The following ZMAT4 variants were observed in gnomAD, a reference collection of about 807,000 sequenced individuals.
ZMAT4 encodes the protein zinc finger matrin-type protein 4.
In ZMAT4, 17 loss-of-function variants were observed where a neutral mutation model predicts 28.7. The observed-to-expected ratio is 0.59, with a 90% CI of 0.41 to 0.89. The LOEUF (loss-of-function observed/expected upper bound fraction) is 0.89, where lower values mean the gene tolerates loss of function less well. ZMAT4 is among the 40% of genes least tolerant of loss of function. The probability of loss-of-function intolerance (pLI) is 0.00; values close to 1 mark genes in which losing one functional copy is unlikely to be tolerated. For missense variants in ZMAT4, 240 were observed against 283.8 expected (o/e 0.85, Z 1.11); for synonymous variants, 117 against 109.2 (o/e 1.07, Z -0.44).
At chr8:40,664,939 T>G (rs1808344281) in intron 5 of ZMAT4, among the ~76,000 whole-genome samples, 1 of 152,214 alleles carries the variant, frequency 6.6e-6, no homozygotes, top group Non-Finnish European at 1.5e-5. Context: ...ATGACTAAGA[T>G]GTCCACTGCC....
intron 5 of ZMAT4, among the ~76,000 whole-genome samples, chr8:40,637,462 G>A (rs1806837660): frequency 6.6e-6 from 1 of 152,048 alleles, no homozygotes. Context: ...CTTCAACCAA[G>A]GCATTAATAG....
At position 40,721,252 on chromosome 8, in the gene ZMAT4, G is replaced by C. The variant is rs1247486148; in HGVS notation, c.193-23851C>G. Among the ~76,000 whole-genome samples the C allele has an allele frequency of 2.1e-5, 3 of 143,902 alleles. No individual in the cohort carries two copies. In the Admixed American group the frequency reaches 2.1e-4, roughly 10 times the overall value. 94.4% of individuals were successfully genotyped at this position (143,902 alleles called of 152,430 possible). A position where few individuals can be genotyped will look rare whatever the true frequency, so the allele number is the denominator to read the frequency against. ...TGTTTGGTTTTTTGTTCTTGCGATA[G>C]TTTACTGAGAATGATGATTTCCAAT... On this transcript the variant is annotated intron_variant, in intron 3 of 6. Coordinates refer to ENST00000297737, the MANE Select transcript of ZMAT4 (RefSeq NM_024645.3).
chr8:40,717,018 C>T (rs545006996), intron 3 of ZMAT4, among the ~76,000 whole-genome samples: 19 of 152,292 alleles, frequency 1.2e-4, no homozygotes, highest in African/African-American at 4.6e-4. Context: ...ACTCTGTCCT[C>T]CTATGAAAAG....
intron 6 of ZMAT4, among the ~76,000 whole-genome samples, chr8:40,539,429 A>G (rs973041390): frequency 6.6e-6 from 1 of 152,204 alleles, no homozygotes; most frequent in Non-Finnish European, 1.5e-5. Flanking sequence ...AAGCATCTAT[A>G]TCTCTATTCT....
intron 2 of ZMAT4, among the ~76,000 whole-genome samples, chr8:40,776,004 C>T (rs1266548393): frequency 2.6e-5 from 4 of 152,112 alleles, no homozygotes; most frequent in Admixed American, 6.5e-5. Flanking sequence ...CGCCAGAAAC[C>T]GACCCTGCTG....
At chr8:40,787,533 ATTAAG>A (rs1229119825) in intron 2 of ZMAT4, among the ~76,000 whole-genome samples, 1 of 152,174 alleles carries the variant, frequency 6.6e-6, no homozygotes, top group East Asian at 1.9e-4. Flanking sequence ...TTTTGTCCTT[ATTAAG>A]TTGAGAACTT....
chr8:40,714,613 C>T (rs893655029), intron 3 of ZMAT4, among the ~76,000 whole-genome samples: 1 of 152,124 alleles, frequency 6.6e-6, no homozygotes, highest in African/African-American at 2.4e-5. Flanking sequence ...GAATGCAATC[C>T]ATTGATGCCT....
At chr8:40,877,715 CAGAG>C (rs892972590) in intron 1 of ZMAT4, among the ~76,000 whole-genome samples, 1 of 152,068 alleles carries the variant, frequency 6.6e-6, no homozygotes, top group Admixed American at 6.6e-5. Context: ...GAAACAGAGA[CAGAG>C]AGAGACGGAG....
intron 6 of ZMAT4, among the ~76,000 whole-genome samples, chr8:40,548,309 G>C (rs1803265191): frequency 6.6e-6 from 1 of 151,948 alleles, no homozygotes. Context: ...AACAGAGAAG[G>C]AGGAGGAAGA....
intron 3 of ZMAT4, among the ~76,000 whole-genome samples, chr8:40,740,133 G>T (rs1039721131): frequency 2.6e-5 from 4 of 152,188 alleles, no homozygotes; most frequent in African/African-American, 9.7e-5. Flanking sequence ...AGAGTAGAAT[G>T]ATTTATAATC....
At chr8:40,702,725 C>T (rs931551782) in intron 3 of ZMAT4, among the ~76,000 whole-genome samples, 2 of 152,146 alleles carry the variant, frequency 1.3e-5, no homozygotes, top group Admixed American at 6.5e-5. Context: ...GGTGAAACTC[C>T]TTATGGAGAA....
chr8:40,577,968 C>T (rs1193515308), intron 6 of ZMAT4, among the ~76,000 whole-genome samples: 2 of 151,774 alleles, frequency 1.3e-5, no homozygotes, highest in Non-Finnish European at 2.9e-5. Flanking sequence ...CTGGTATATA[C>T]CATGATTATG....
intron 6 of ZMAT4, among the ~76,000 whole-genome samples, chr8:40,545,644 C>T (rs1300658244): frequency 6.6e-6 from 1 of 152,138 alleles, no homozygotes; most frequent in Non-Finnish European, 1.5e-5. Context: ...TCTGCTGCCA[C>T]AAGCCAAAGG....
At position 40,776,242 on chromosome 8, in the gene ZMAT4, C is replaced by T. The variant is rs78202000; in HGVS notation, c.103-8512G>A. On this transcript the variant is annotated intron_variant, in intron 2 of 6. Coordinates refer to ENST00000297737, the MANE Select transcript of ZMAT4 (RefSeq NM_024645.3). ...CAATGTTTCTAGAATTAGGTCACTT[C>T]GTTTCTTCCAAAATATGTTTAAAAC... Among the ~76,000 whole-genome samples the T allele has an allele frequency of 0.013, 2,010 of 152,244 alleles. 107 individuals carry two copies. The East Asian group carries it at 0.19, about 14-fold the overall frequency.
chr8:40,655,868 T>C (rs1457791906), intron 5 of ZMAT4, among the ~76,000 whole-genome samples: 1 of 152,118 alleles, frequency 6.6e-6, no homozygotes, highest in Non-Finnish European at 1.5e-5. Context: ...AATTTTGAGG[T>C]AAATCTTTGT....
At chr8:40,720,978 T>G (rs1811062092) in intron 3 of ZMAT4, among the ~76,000 whole-genome samples, 1 of 152,052 alleles carries the variant, frequency 6.6e-6, no homozygotes. Context: ...TTTTGTTTGT[T>G]TGTTTGTTTT....
intron 2 of ZMAT4, among the ~76,000 whole-genome samples, chr8:40,781,377 C>T (rs1813817218): frequency 1.3e-5 from 2 of 152,120 alleles, no homozygotes; most frequent in Admixed American, 6.5e-5. Context: ...CTCACACTCC[C>T]CAGTTCAAAA....
chr8:40,551,710 G>T (rs189796013), intron 6 of ZMAT4, among the ~76,000 whole-genome samples: 17 of 152,212 alleles, frequency 1.1e-4, no homozygotes, highest in Middle Eastern at 6.8e-3. Flanking sequence ...AGATGGGCTC[G>T]CTGCTTACCT....
chr8:40,866,810 TAC>T (rs562183623), intron 1 of ZMAT4, among the ~76,000 whole-genome samples: 38 of 152,176 alleles, frequency 2.5e-4, no homozygotes, highest in Non-Finnish European at 5.0e-4. Context: ...TAAACATGCA[TAC>T]ACACACATGC....
Sources: allele counts gnomAD v4.1 joint callset (sites outside exome capture counted in the v4.1 genomes callset), GRCh38; gene constraint gnomAD v4.1.1; transcripts MANE v1.5; gene names NCBI Gene and HGNC (gene_info 2026-07-23, HGNC 2026-07-21).